SPTBN5: variants seen among roughly 807,000 people sequenced by gnomAD.
SPTBN5 encodes spectrin beta, non-erythrocytic 5.
In SPTBN5, 513 loss-of-function variants were observed where a neutral mutation model predicts 477.6. The observed-to-expected ratio is 1.07, with a 90% CI of 1.00 to 1.16. SPTBN5 has a LOEUF of 1.16. Among genes scored for constraint, SPTBN5 ranks in the 50% most tolerant of loss-of-function variants. The pLI, the probability that SPTBN5 is intolerant of heterozygous loss-of-function variation, is 0.00. For synonymous variants in SPTBN5, 2,169 were observed against 2,011.7 expected (o/e 1.08, Z -2.09); for missense variants, 5,062 against 4,731.8 (o/e 1.07, Z -2.05).
At chr15:41,874,123 C>T (rs1276503373) in intron 24 of SPTBN5, 78 bp from the exon 25 acceptor site, 1 of 1,521,766 alleles carries the variant, frequency 6.6e-7, no homozygotes, top group South Asian at 1.2e-5. Flanking sequence ...TGGCTCCAGG[C>T]CCCAATCATG....
intron 22 of SPTBN5, 71 bp from the exon 23 acceptor site, chr15:41,875,127 G>C: frequency 7.1e-7 from 1 of 1,406,722 alleles, no homozygotes; most frequent in Non-Finnish European, 9.6e-7. Context: ...CCGGGCTCTG[G>C]GACTGTTGGA....
rs1391069213 is a variant in SPTBN5 at position 41,879,258 on chromosome 15, A to C, written c.3182+2T>G. 1 of 1,609,624 alleles carries C rather than the reference A, an allele frequency of 6.2e-7. No individual in the cohort carries two copies. The highest frequency in any genetic ancestry group is 2.2e-5 in the East Asian group (1 of 44,786). On this transcript the variant is annotated splice_donor_variant, in intron 16 of 67. Transcript: ENST00000320955. LOFTEE classifies it high-confidence loss of function. Reference sequence around the variant, plus strand: ...CCAATGCCACCACTGCGCTGGCCGTACTTTACGACCACACTTTGGAGGAAG... The same window carrying C: ...CCAATGCCACCACTGCGCTGGCCGTCCTTTACGACCACACTTTGGAGGAAG...
In SPTBN5 at chr15:41,885,832, C is replaced by T. The variant is rs2067128795; in HGVS notation, c.1423G>A (p.Gly475Ser). 1 of 1,559,926 alleles carries T rather than the reference C, an allele frequency of 6.4e-7. No individual in the cohort carries two copies. Among genetic ancestry groups the T allele is most frequent in the Non-Finnish European group, 8.7e-7 (1 of 1,152,432 alleles). ...AVQRLGMLEA[G>S]ILPQEGRFQA... ...AAGCGCCCCTCCTGGGGCAGGATGCCAGCCTCCAGCATGCCCAGCCTCTGG... is the reference window on the plus strand; with the variant it reads ...AAGCGCCCCTCCTGGGGCAGGATGCTAGCCTCCAGCATGCCCAGCCTCTGG... Residue 475 changes from glycine (G) to serine (S), a missense_variant, in exon 7 of 68, where the codon GGC becomes AGC. Physicochemically the swap from Gly to Ser is moderately conservative, Grantham distance 56. Coordinates refer to ENST00000320955, the MANE Select transcript of SPTBN5 (RefSeq NM_016642.4).
intron 25 of SPTBN5, 78 bp from the exon 26 acceptor site, chr15:41,873,686 T>C: frequency 2.7e-6 from 4 of 1,454,630 alleles, no homozygotes; most frequent in Non-Finnish European, 3.7e-6. Context: ...CTGCCCCTGC[T>C]CTCCAGCATC....
At chr15:41,886,436 G>A in intron 6 of SPTBN5, 70 bp from the exon 7 acceptor site, 1 of 1,481,486 alleles carries the variant, frequency 6.7e-7, no homozygotes, top group African/African-American at 1.4e-5. Context: ...CTGAGTGCCA[G>A]CCAGAGTTCC....
Position 41,886,376 on chromosome 15 carries a change from G to C in SPTBN5, c.889-10C>G. On this transcript the variant is annotated splice_polypyrimidine_tract_variant and intron_variant, in intron 6 of 67. Transcript: ENST00000320955. The stretch of plus-strand genomic sequence containing the variant: ...GGAGCTGAAGCAGGATCTGGTGGAG[G>C]GCATAGGAAGGGGTCAGGGTCCTTC... 2 of 1,582,372 alleles carry C rather than the reference G, an allele frequency of 1.3e-6. No homozygotes were observed. The highest frequency in any genetic ancestry group is 1.7e-6 in the Non-Finnish European group (2 of 1,165,038).
rs768692793 is a variant in SPTBN5 at position 41,867,584 on chromosome 15, C to G, written c.6266G>C (p.Arg2089Pro). Reference sequence around the variant, plus strand: ...AACCTTCAGGAAGACCTCGTGCTTGCGAATCAACTGCTCTACCTCTTCCAC... The same window carrying G: ...AACCTTCAGGAAGACCTCGTGCTTGGGAATCAACTGCTCTACCTCTTCCAC... The part of the protein sequence containing the change: ...SSVEEVEQLI[R>P]KHEVFLKVLT... Residue 2089 changes from arginine to proline, a missense_variant, in exon 35 of 68, where the codon CGC becomes CCC. Physicochemically the swap from Arg to Pro is moderately radical, Grantham distance 103. Transcript: ENST00000320955. 1.5e-5 allele frequency: 25 copies of G among 1,613,712 alleles called. No homozygotes were observed. Among genetic ancestry groups the G allele is most frequent in the African/African-American group, 2.7e-5 (2 of 74,922 alleles).
chr15:41,854,675 G>T, intron 56 of SPTBN5, 107 bp downstream of exon 56: 2 of 976,100 alleles, frequency 2.0e-6, no homozygotes, highest in Non-Finnish European at 2.9e-6. Context: ...CTTGAGGCCA[G>T]CAGGGTGTGT....
rs2067130471 is a variant in SPTBN5, at chr15:41,885,871, C to T, written c.1384G>A (p.Val462Met). The T allele has an allele frequency of 1.9e-6, 3 of 1,580,714 alleles. No homozygotes were observed. Among genetic ancestry groups the T allele is most frequent in the African/African-American group, 1.3e-5 (1 of 74,244 alleles). Residue 462 changes from valine to methionine, a missense_variant, in exon 7 of 68, where the codon GTG (valine) becomes ATG (methionine). Physicochemically the swap from Val to Met is conservative, Grantham distance 21 (BLOSUM62 1). Transcript: ENST00000320955. ...ARAPPASLAT[V>M]EAAVQRLGML... is the part of the protein sequence containing the mutation. ...CCCAGCCTCTGGACGGCTGCCTCCA[C>T]TGTGGCCAGGCTGGCTGGCGGGGCT...
chr15:41,876,854 G>C lies in SPTBN5; in HGVS notation c.3806C>G (p.Ala1269Gly), dbSNP rs1190212770. Reference protein sequence around the residue: ...TLGPRAEALRAHGEKLVQSQH... With the variant: ...TLGPRAEALRGHGEKLVQSQH... Reference sequence around the variant, plus strand: ...GCTCTGAACCAGCTTCTCGCCGTGTGCCCGCAGAGCCTCTGCCCGAGGCCC... The same window carrying C: ...GCTCTGAACCAGCTTCTCGCCGTGTCCCCGCAGAGCCTCTGCCCGAGGCCC... Residue 1269 changes from alanine (A) to glycine (G), a missense_variant, in exon 19 of 68, where the codon GCA becomes GGA. Coordinates refer to ENST00000320955, the MANE Select transcript of SPTBN5 (RefSeq NM_016642.4). 3.1e-6 allele frequency: 5 copies of C among 1,610,422 alleles called. No homozygotes were observed. The highest frequency in any genetic ancestry group is 4.2e-6 in the Non-Finnish European group (5 of 1,179,842).
chr15:41,881,132 G>T lies in SPTBN5; in HGVS notation c.2560C>A (p.Leu854Ile). 1 of 1,613,706 alleles carries T rather than the reference G, an allele frequency of 6.2e-7. No individual in the cohort carries two copies. Residue 854 changes from leucine to isoleucine, a missense_variant, in exon 13 of 68, where the codon CTC becomes ATC. Coordinates refer to ENST00000320955, the MANE Select transcript of SPTBN5 (RefSeq NM_016642.4). ...PGPGDAWKMA[L>I]PAEPDPDFDP... ...AAGTCAGGGTCAGGCTCAGCTGGGA[G>T]GGCCATCTTCCAGGCATCCCCAGGG...
At chr15:41,871,306 C>T in intron 29 of SPTBN5, 69 bp downstream of exon 29, 1 of 1,341,294 alleles carries the variant, frequency 7.5e-7, no homozygotes, top group Non-Finnish European at 9.6e-7. Flanking sequence ...CCTCTCTTAC[C>T]ACTCTGGGCC....
At position 41,867,198 on chromosome 15, in the gene SPTBN5, G is replaced by A. The variant is rs917078278; in HGVS notation, c.6313-72C>T. 3 of 1,442,688 alleles carry A rather than the reference G, an allele frequency of 2.1e-6. No individual in the cohort carries two copies. In the African/African-American group the frequency reaches 4.3e-5, roughly 21 times the overall value. 89.4% of individuals were successfully genotyped at this position (1,442,688 alleles called of 1,614,324 possible). Reference sequence around the variant, plus strand: ...CAGGGCCTGGCCTGCAGGGCTCACAGTCCTTTCTTTGAGGGCCCCGGAGCC... The same window carrying A: ...CAGGGCCTGGCCTGCAGGGCTCACAATCCTTTCTTTGAGGGCCCCGGAGCC... On this transcript the variant is annotated intron_variant, in intron 35 of 67. Coordinates refer to ENST00000320955, the MANE Select transcript of SPTBN5 (RefSeq NM_016642.4).
intron 6 of SPTBN5, among the ~76,000 whole-genome samples, chr15:41,886,595 T>G (rs911313168): frequency 6.6e-6 from 1 of 152,204 alleles, no homozygotes; most frequent in African/African-American, 2.4e-5. Flanking sequence ...TATCCTGCCT[T>G]CTTCCTCTTG....
rs764943581 is a variant in SPTBN5 at position 41,853,364 on chromosome 15, T to G, written c.10064A>C (p.Gln3355Pro). 4 of 1,612,346 alleles carry G rather than the reference T, an allele frequency of 2.5e-6. No homozygotes were observed. The South Asian group carries it at 4.4e-5, about 18-fold the overall frequency. ...GATTTCTTGCCCCAGCTCTTCATGCTGCCCAAGGAGCTGCTCAGCCCCCGC... is the reference window on the plus strand; with the variant it reads ...GATTTCTTGCCCCAGCTCTTCATGCGGCCCAAGGAGCTGCTCAGCCCCCGC... Reference protein sequence around the residue: ...DVAGAEQLLGQHEELGQEIRE... With the variant: ...DVAGAEQLLGPHEELGQEIRE... Residue 3355 changes from glutamine to proline, a missense_variant, in exon 59 of 68, where the codon CAG (glutamine) becomes CCG (proline). Gln to Pro is a moderately conservative substitution (Grantham distance 76). Transcript: ENST00000320955.
At chr15:41,850,684 G>A (rs752811457) in intron 66 of SPTBN5, 170 bp downstream of exon 66, 143 of 639,622 alleles carry the variant, frequency 2.2e-4, no homozygotes, top group African/African-American at 1.8e-3. Context: ...GGCAAGTTGC[G>A]TAACCTCTCC....
chr15:41,854,788 G>A lies in SPTBN5; in HGVS notation c.9612C>T (p.Arg3204=), dbSNP rs2065883286. The A allele has an allele frequency of 1.3e-6, 2 of 1,539,114 alleles. No individual in the cohort carries two copies. The highest frequency in any genetic ancestry group is 2.1e-5 in the Admixed American group (1 of 48,300). ...WERLDQAIKA[R]TENLAAAHEV... ...CCGGCCTGTGATCACCTACCTCTGT[G>A]CGGGCTTTTATTGCTTGGTCCAACC... The change falls in exon 56 of 68, where the codon CGC becomes CGT. Residue 3204 remains arginine (R), a synonymous_variant. Transcript: ENST00000320955.
intron 53 of SPTBN5, 142 bp from the exon 54 acceptor site, chr15:41,855,887 G>T: frequency 2.4e-6 from 2 of 840,010 alleles, no homozygotes; most frequent in Non-Finnish European, 3.6e-6. Flanking sequence ...CTCCTAAGCA[G>T]CCTCATCTGG....
rs769953058 is a variant in SPTBN5, at chr15:41,854,834, C to A, written c.9566G>T (p.Arg3189Leu). The change falls in exon 56 of 68, where the codon CGC (arginine) becomes CTC (leucine). Residue 3189 changes from arginine (R) to leucine (L), a missense_variant. Transcript: ENST00000320955. ...CAACCTCTCCCAAGCAGCCTCAATG[C>A]GGCTCCTCTGGGCTTGGATGTGGGG... is the stretch of plus-strand genomic sequence containing the variant. ...RYPHIQAQRSRIEAAWERLDQ... is the reference protein window; with the variant it reads ...RYPHIQAQRSLIEAAWERLDQ... 1.3e-6 allele frequency: 2 copies of A among 1,593,436 alleles called. No homozygotes were observed. Among genetic ancestry groups the A allele is most frequent in the Non-Finnish European group, 1.7e-6 (2 of 1,171,310 alleles).
Sources: gnomAD v4.1 joint callset for allele counts (sites outside exome capture counted in the v4.1 genomes callset) on GRCh38, gnomAD v4.1.1 for gene constraint, MANE v1.5 for transcripts, NCBI Gene and HGNC (gene_info 2026-07-23, HGNC 2026-07-21) for gene names.